The following SIX4 variants were observed in gnomAD, a reference collection of about 807,000 sequenced individuals.
The protein encoded by SIX4 is SIX homeobox 4.
A neutral mutation model predicts 51.5 loss-of-function variants in SIX4; 23 were observed. The observed-to-expected ratio is 0.45, with a 90% CI of 0.32 to 0.63. The LOEUF (loss-of-function observed/expected upper bound fraction) is 0.63. Ranked by LOEUF, SIX4 falls within the 30% of genes least tolerant of loss-of-function variation. The pLI, the probability that SIX4 is intolerant of heterozygous loss-of-function variation, is 0.04. For synonymous variants in SIX4, 413 were observed against 417.3 expected, an observed-to-expected ratio of 0.99 and a Z score of 0.13; for missense variants, 867 against 984.0, an observed-to-expected ratio of 0.88 and a Z score of 1.59.
chr14:60,723,041 C>T (rs1221954539), intron 1 of SIX4, 171 bp downstream of exon 1: 1 of 1,397,866 alleles, frequency 7.2e-7, no homozygotes, highest in Admixed American at 3.3e-5. Flanking sequence ...CCGCCTCCGC[C>T]GCCCCCTACC....
At chr14:60,714,236 G>A (rs750040894) in intron 2 of SIX4, 33 bp from the exon 3 acceptor site, 1 of 1,510,362 alleles carries the variant, frequency 6.6e-7, no homozygotes, top group Admixed American at 2.3e-5. Flanking sequence ...TATCACTGAT[G>A]GAAGTGAGAG....
chr14:60,723,637 C>G lies in SIX4; in HGVS notation c.438G>C (p.Glu146Asp). 1 of 1,602,358 alleles carries G rather than the reference C, an allele frequency of 6.2e-7. No individual in the cohort carries two copies. Among genetic ancestry groups the G allele is most frequent in the East Asian group, 2.3e-5 (1 of 44,196 alleles). Residue 146 changes from glutamate to aspartate, a missense_variant, in exon 1 of 3, where the codon GAG becomes GAC. By Grantham distance (45) the Glu-to-Asp change is conservative. Coordinates refer to ENST00000216513, the MANE Select transcript of SIX4 (RefSeq NM_017420.5). ...LPQSDLLRGN[E>D]SLLKARALVA... ...CGAGCGCCCGCGCCTTCAGCAGGCT[C>G]TCGTTGCCACGTAGCAGGTCGCTCT...
In SIX4 at chr14:60,719,722, A is replaced by C. The variant is rs1265235436; in HGVS notation, c.1549+38T>G. On this transcript the variant is annotated intron_variant, in intron 2 of 2. Coordinates refer to ENST00000216513, the MANE Select transcript of SIX4 (RefSeq NM_017420.5). This position sits in a 1 kb window ranked among gnomAD's most constrained non-coding sequence, Gnocchi z 4.9. ...GTCACTTACAGCAGCTGATGAACAC[A>C]TTTGCTGGTGCATTAAGGTACCAAA... 6.9e-6 allele frequency: 11 copies of C among 1,591,648 alleles called. No individual in the cohort carries two copies. Among genetic ancestry groups the C allele is most frequent in the Non-Finnish European group, 9.4e-6 (11 of 1,165,988 alleles).
At position 60,720,159 on chromosome 14, in the gene SIX4, C is replaced by T. The variant is rs1895995592; in HGVS notation, c.1150G>A (p.Gly384Arg). The T allele has an allele frequency of 6.2e-7, 1 of 1,614,088 alleles. No homozygotes were observed. Among genetic ancestry groups the T allele is most frequent in the Non-Finnish European group, 8.5e-7 (1 of 1,180,024 alleles). ...TTCAATGCCACTGCCTGTGTATTTC[C>T]CACATTTAATCCATTAAGGATAACT... The part of the protein sequence containing the change: ...SGVILNGLNV[G>R]NTQAVALNPP... The change falls in exon 2 of 3, where the codon GGA becomes AGA. Residue 384 changes from glycine to arginine, a missense_variant. Coordinates refer to ENST00000216513, the MANE Select transcript of SIX4 (RefSeq NM_017420.5). The surrounding 1 kb of genome is among the most constrained non-coding windows in gnomAD (Gnocchi z 5.5).
At position 60,723,567 on chromosome 14, in the gene SIX4, C is replaced by G; in HGVS notation, c.508G>C (p.Glu170Gln). ...GIYPELYSIL[E>Q]SHSFESANHP... ...TTGGCCGACTCGAAGCTGTGGCTCT[C>G]GAGGATGCTGTAGAGCTCGGGGTAG... is the stretch of plus-strand genomic sequence containing the variant. Residue 170 changes from glutamate to glutamine, a missense_variant, in exon 1 of 3, where the codon GAG becomes CAG. Physicochemically the swap from Glu to Gln is conservative, Grantham distance 29. Transcript: ENST00000216513. The G allele has an allele frequency of 6.2e-7, 1 of 1,610,528 alleles. No individual in the cohort carries two copies. The highest frequency in any genetic ancestry group is 8.5e-7 in the Non-Finnish European group (1 of 1,179,520).
At chr14:60,718,117 A>G (rs753461932) in intron 2 of SIX4, 1 of 156,576 alleles carries the variant, frequency 6.4e-6, no homozygotes, top group Non-Finnish European at 1.4e-5. Context: ...CTATAGAAAG[A>G]TAAGTCTATC....
In SIX4 at chr14:60,723,190, G is replaced by A. The variant is rs1378265413; in HGVS notation, c.863+22C>T. ...GGGGGTGGGGGAGAGGAAGGGGGAG[G>A]AGGAGGAAAGTTGGCGCTCACCTTT... On this transcript the variant is annotated intron_variant, in intron 1 of 2. Transcript: ENST00000216513. 3.2e-6 allele frequency: 5 copies of A among 1,579,476 alleles called. No homozygotes were observed. In the African/African-American group the frequency reaches 5.4e-5, roughly 17 times the overall value.
Position 60,720,195 on chromosome 14 carries a change from C to G in SIX4, c.1114G>C (p.Gly372Arg), listed in dbSNP as rs765653999. 1.2e-6 allele frequency: 2 copies of G among 1,614,140 alleles called. No individual in the cohort carries two copies. The highest frequency in any genetic ancestry group is 1.7e-6 in the Non-Finnish European group (2 of 1,180,042). The change falls in exon 2 of 3, where the codon GGA becomes CGA. Residue 372 changes from glycine to arginine, a missense_variant. Gly to Arg is a moderately radical substitution (Grantham distance 125, BLOSUM62 -2). Coordinates refer to ENST00000216513, the MANE Select transcript of SIX4 (RefSeq NM_017420.5). This position sits in a 1 kb window ranked among gnomAD's most constrained non-coding sequence, Gnocchi z 5.5. ...VFLNGNSFIQGPSGVILNGLN... is the reference protein window; with the variant it reads ...VFLNGNSFIQRPSGVILNGLN... The stretch of plus-strand genomic sequence containing the variant: ...CCATTAAGGATAACTCCACTGGGTC[C>G]CTGAATAAAAGAATTTCCATTAAGG...
Position 60,713,686 on chromosome 14 carries a change from A to T in SIX4, c.2067T>A (p.Val689=), listed in dbSNP as rs775038544. The T allele has an allele frequency of 1.2e-6, 2 of 1,614,210 alleles. No homozygotes were observed. Among genetic ancestry groups the T allele is most frequent in the Non-Finnish European group, 1.7e-6 (2 of 1,180,038 alleles). Residue 689 remains valine, a synonymous_variant, in exon 3 of 3, where the codon GTT becomes GTA. Coordinates refer to ENST00000216513, the MANE Select transcript of SIX4 (RefSeq NM_017420.5). The stretch of plus-strand genomic sequence containing the variant: ...GACCTACCTGATCTTCAGCTGTAGG[A>T]ACTATTTCCCCAAGGGCAGCCTGAG... ...PMTQAALGEI[V]PTAEDQVGHP...
rs576473547 is a variant in SIX4 at position 60,719,642 on chromosome 14, G to A, written c.1549+118C>T. ...CACATCAAGGCTACTCTACAGCTTCGGCAGCTAATAAGGTACCTGAACAGA... is the reference window on the plus strand; with the variant it reads ...CACATCAAGGCTACTCTACAGCTTCAGCAGCTAATAAGGTACCTGAACAGA... On this transcript the variant is annotated intron_variant, in intron 2 of 2. Transcript: ENST00000216513. This position sits in a 1 kb window ranked among gnomAD's most constrained non-coding sequence, Gnocchi z 4.9. 19 of 999,552 alleles carry A rather than the reference G, an allele frequency of 1.9e-5. No homozygotes were observed. Among genetic ancestry groups the A allele is most frequent in the Admixed American group, 8.0e-5 (3 of 37,686 alleles). 61.9% of individuals were successfully genotyped at this position (999,552 alleles called of 1,614,324 possible).
In SIX4 at chr14:60,723,317, T is replaced by G; in HGVS notation, c.758A>C (p.Lys253Thr). 1 of 1,612,898 alleles carries G rather than the reference T, an allele frequency of 6.2e-7. No homozygotes were observed. The highest frequency in any genetic ancestry group is 1.3e-5 in the African/African-American group (1 of 74,886). ...KQNRYPSPAE[K>T]RHLAKITGLS... ...GCCGGTGATCTTGGCCAGGTGCCGC[T>G]TCTCGGCGGGCGAAGGGTAGCGATT... Residue 253 changes from lysine (K) to threonine (T), a missense_variant, in exon 1 of 3, where the codon AAG becomes ACG. Coordinates refer to ENST00000216513, the MANE Select transcript of SIX4 (RefSeq NM_017420.5).
intron 1 of SIX4, among the ~76,000 whole-genome samples, chr14:60,721,992 C>A (rs1285136280): frequency 2.0e-5 from 3 of 152,238 alleles, no homozygotes; most frequent in Non-Finnish European, 4.4e-5. Flanking sequence ...AGCCGTCGGA[C>A]CCCCACAGGG....
rs1896099821 is a variant in SIX4 at position 60,724,348 on chromosome 14, T to G, written c.-274A>C. 12 of 1,402,102 alleles carry G rather than the reference T, an allele frequency of 8.6e-6. No individual in the cohort carries two copies. Among genetic ancestry groups the G allele is most frequent in the East Asian group, 3.3e-5 (1 of 30,000 alleles). The allele number at this position is 1,402,102 out of a possible 1,614,324, so 86.9% of individuals were successfully genotyped here. A position where few individuals can be genotyped will look rare whatever the true frequency, so the allele number is the denominator to read the frequency against. The stretch of plus-strand genomic sequence containing the variant: ...ACTCCTCCGGTTGCTGCATACTATA[T>G]GGCAGTGGCGGCCGGGCCGGCCCGG... On this transcript the variant is annotated 5_prime_UTR_variant, in exon 1 of 3. Coordinates refer to ENST00000216513, the MANE Select transcript of SIX4 (RefSeq NM_017420.5).
rs1895942539 is a variant in SIX4, at chr14:60,717,717, G to C, written c.1549+2043C>G. Among the ~76,000 whole-genome samples, 3 of 151,882 alleles carry C rather than the reference G, an allele frequency of 2.0e-5. No homozygotes were observed. Among genetic ancestry groups the C allele is most frequent in the Admixed American group, 2.0e-4 (3 of 15,248 alleles). ...CCATATAGATACAAAGCATTACTTT[G>C]TAATGATAAGAAAAAAATCAGGCCA... On this transcript the variant is annotated intron_variant, in intron 2 of 2. Coordinates refer to ENST00000216513, the MANE Select transcript of SIX4 (RefSeq NM_017420.5). The surrounding 1 kb of genome is among the most constrained non-coding windows in gnomAD (Gnocchi z 4.6).
At position 60,713,691 on chromosome 14, in the gene SIX4, T is replaced by C. The variant is rs1309421370; in HGVS notation, c.2062A>G (p.Ile688Val). ...VPMTQAALGE[I>V]VPTAEDQVGH... ...ACCTGATCTTCAGCTGTAGGAACTA[T>C]TTCCCCAAGGGCAGCCTGAGTCATA... is the stretch of plus-strand genomic sequence containing the variant. Residue 688 changes from isoleucine to valine, a missense_variant, in exon 3 of 3, where the codon ATA becomes GTA. Transcript: ENST00000216513. The C allele has an allele frequency of 2.5e-6, 4 of 1,614,226 alleles. No individual in the cohort carries two copies. Among genetic ancestry groups the C allele is most frequent in the Admixed American group, 3.3e-5 (2 of 60,024 alleles).
chr14:60,715,790 A>G (rs898588076), intron 2 of SIX4, among the ~76,000 whole-genome samples: 2 of 152,090 alleles, frequency 1.3e-5, no homozygotes, highest in East Asian at 1.9e-4. Flanking sequence ...GACCTCAAAT[A>G]TGGTCACTGA....
chr14:60,717,094 T>A lies in SIX4; in HGVS notation c.1549+2666A>T. The A allele has an allele frequency of 3.1e-6, 1 of 324,032 alleles. No individual in the cohort carries two copies. Among genetic ancestry groups the A allele is most frequent in the Non-Finnish European group, 6.0e-6 (1 of 166,768 alleles). The allele number at this position is 324,032 out of a possible 1,614,324, so 20.1% of individuals were successfully genotyped here. ...TTTATTTATTTATTTATTTTTGAGA[T>A]AAGGGGTTTTGCTCTTGTTGCCCAG... is the stretch of plus-strand genomic sequence containing the variant. On this transcript the variant is annotated intron_variant, in intron 2 of 2. Transcript: ENST00000216513. The surrounding 1 kb of genome is among the most constrained non-coding windows in gnomAD (Gnocchi z 4.6).
At chr14:60,718,146 G>T (rs1172767780) in intron 2 of SIX4, 2 of 155,260 alleles carry the variant, frequency 1.3e-5, no homozygotes, top group African/African-American at 2.4e-5. Context: ...ACATTTTAAA[G>T]AATGGCTCAG....
Position 60,714,091 on chromosome 14 carries a change from T to C in SIX4, c.1662A>G (p.Val554=), listed in dbSNP as rs1895873711. Reference sequence around the variant, plus strand: ...TCTGGCCTGTATTAGGAACCGTGTATACCACTGCACTGGGAGCAAGAGAGC... The same window carrying C: ...TCTGGCCTGTATTAGGAACCGTGTACACCACTGCACTGGGAGCAAGAGAGC... ...FLSSLAPSAV[V]YTVPNTGQTI... The change falls in exon 3 of 3, where the codon GTA becomes GTG. Residue 554 remains valine, a synonymous_variant. Coordinates refer to ENST00000216513, the MANE Select transcript of SIX4 (RefSeq NM_017420.5). 1.2e-6 allele frequency: 2 copies of C among 1,614,170 alleles called. No individual in the cohort carries two copies. Among genetic ancestry groups the C allele is most frequent in the Admixed American group, 1.7e-5 (1 of 60,026 alleles).
Sources: allele counts gnomAD v4.1 joint callset (sites outside exome capture counted in the v4.1 genomes callset), GRCh38; gene constraint gnomAD v4.1.1; non-coding constraint Gnocchi (gnomAD v3.1); transcripts MANE v1.5; gene names NCBI Gene and HGNC (gene_info 2026-07-23, HGNC 2026-07-21).